The following CENPP variants were observed in gnomAD, a reference collection of about 807,000 sequenced individuals.
CENPP encodes centromere protein P.
Under a neutral mutation model 35.6 loss-of-function variants are expected in CENPP, and 24 were observed. That is an observed-to-expected ratio of 0.67 (90% CI 0.49 to 0.95). The LOEUF is 0.95. Ranked by LOEUF, CENPP falls within the 40% of genes least tolerant of loss-of-function variation. The probability of loss-of-function intolerance (pLI) is 0.00; values close to 1 mark genes in which losing one functional copy is unlikely to be tolerated. For missense variants in CENPP, 332 were observed against 345.3 expected (o/e 0.96, Z 0.31); for synonymous variants, 120 against 125.5 (o/e 0.96, Z 0.29).
chr9:92,389,705 G>A, intron 5 of CENPP: 2 of 584,028 alleles, frequency 3.4e-6, no homozygotes, highest in Non-Finnish European at 3.0e-6. Context: ...AGCCTAATAG[G>A]ATGGTTATTT....
intron 5 of CENPP, among the ~76,000 whole-genome samples, chr9:92,546,131 A>G (rs1849438155): frequency 6.6e-6 from 1 of 151,972 alleles, no homozygotes; most frequent in African/African-American, 2.4e-5. Flanking sequence ...TAGCTAATCT[A>G]GTGGGGACTT....
Position 92,348,357 on chromosome 9 carries a change from C to T in CENPP, c.467+2570C>T, listed in dbSNP as rs143939190. ...CATTTCATTTGATTCAGATTTCTAA[C>T]TGCTATGCTCCTTCTTCCTTAAGAA... On this transcript the variant is annotated intron_variant, in intron 4 of 7. Transcript: ENST00000375587. Among the ~76,000 whole-genome samples, 253 of 151,598 alleles carry T rather than the reference C, an allele frequency of 1.7e-3. 1 individual carries two copies. Among genetic ancestry groups the T allele is most frequent in the Non-Finnish European group, 2.5e-3 (169 of 67,916 alleles).
At chr9:92,603,666 T>C (rs1343814598) in intron 5 of CENPP, among the ~76,000 whole-genome samples, 3 of 152,054 alleles carry the variant, frequency 2.0e-5, no homozygotes, top group African/African-American at 7.2e-5. Flanking sequence ...TCACAAAAAG[T>C]ACCTCATCTG....
At chr9:92,416,035 A>G (rs1344426514) in intron 5 of CENPP, among the ~76,000 whole-genome samples, 1 of 127,960 alleles carries the variant, frequency 7.8e-6, no homozygotes, top group African/African-American at 2.7e-5. Context: ...TTTTATATAT[A>G]AATAAATATA....
intron 5 of CENPP, among the ~76,000 whole-genome samples, chr9:92,400,343 G>T (rs1843060578): frequency 6.6e-6 from 1 of 152,026 alleles, no homozygotes; most frequent in Non-Finnish European, 1.5e-5. Context: ...TAGAGACAGG[G>T]TTTCACCATC....
chr9:92,602,767 A>C (rs1267802180), intron 5 of CENPP, among the ~76,000 whole-genome samples: 2 of 152,162 alleles, frequency 1.3e-5, no homozygotes, highest in Non-Finnish European at 2.9e-5. Context: ...AGGCGGTGTG[A>C]ACAGGCGGCA....
chr9:92,464,046 T>A (rs977295543), intron 5 of CENPP, among the ~76,000 whole-genome samples: 3 of 152,222 alleles, frequency 2.0e-5, no homozygotes, highest in Non-Finnish European at 4.4e-5. Flanking sequence ...CTTTAACTCA[T>A]GGATACTGAA....
chr9:92,355,365 A>C (rs770696266), intron 4 of CENPP, among the ~76,000 whole-genome samples: 6 of 151,490 alleles, frequency 4.0e-5, no homozygotes, highest in Non-Finnish European at 5.9e-5. Context: ...TCCTACTTGC[A>C]TGTCTGTTTT....
chr9:92,442,398 C>CAAAAAAAAAA (rs71362387), intron 5 of CENPP, among the ~76,000 whole-genome samples: 3 of 74,466 alleles, frequency 4.0e-5, no homozygotes, highest in Admixed American at 1.6e-4. Flanking sequence ...AACTCTGTCT[C>CAAAAAAAAAA]AAAAAAAAAA....
chr9:92,430,287 C>A (rs1844072864), intron 5 of CENPP, among the ~76,000 whole-genome samples: 1 of 151,790 alleles, frequency 6.6e-6, no homozygotes, highest in African/African-American at 2.4e-5. Flanking sequence ...TGCTTAATGA[C>A]TTCTAGGAGT....
intron 5 of CENPP, among the ~76,000 whole-genome samples, chr9:92,530,764 G>A (rs1848703336): frequency 6.6e-6 from 1 of 152,050 alleles, no homozygotes; most frequent in South Asian, 2.1e-4. Flanking sequence ...AGTATATTAT[G>A]TGGTACTGAA....
chr9:92,618,065 T>C lies in CENPP; in HGVS notation c.*4916T>C. 2 of 355,596 alleles carry C rather than the reference T, an allele frequency of 5.6e-6. No individual in the cohort carries two copies. The highest frequency in any genetic ancestry group is 1.5e-4 in the East Asian group (2 of 13,404). The allele number at this position is 355,596 out of a possible 1,614,324, so 22.0% of individuals were successfully genotyped here. ...CATGATAAATCCCAGCCTTAGTTTG[T>C]CCCTAGGCCTCTAGAGCACCACAGT... On this transcript the variant is annotated 3_prime_UTR_variant, in exon 8 of 8. Transcript: ENST00000375587.
At chr9:92,431,534 G>C (rs1588125674) in intron 5 of CENPP, among the ~76,000 whole-genome samples, 1 of 152,136 alleles carries the variant, frequency 6.6e-6, no homozygotes, top group East Asian at 1.9e-4. Flanking sequence ...TTTCTCTTCT[G>C]TTGTATGCCT....
At chr9:92,580,764 C>T (rs1367373192) in intron 5 of CENPP, among the ~76,000 whole-genome samples, 4 of 152,262 alleles carry the variant, frequency 2.6e-5, no homozygotes, top group South Asian at 2.1e-4. Context: ...CTCCTGGATT[C>T]GTTAATTTTT....
chr9:92,551,964 G>A (rs900607352), intron 5 of CENPP, among the ~76,000 whole-genome samples: 12 of 105,492 alleles, frequency 1.1e-4, no homozygotes, highest in African/African-American at 5.4e-4. Context: ...ATATATATAT[G>A]TGTGATATAT....
chr9:92,550,231 A>G (rs1274676520), intron 5 of CENPP, among the ~76,000 whole-genome samples: 1 of 152,174 alleles, frequency 6.6e-6, no homozygotes, highest in Non-Finnish European at 1.5e-5. Flanking sequence ...CCCCGTCTCT[A>G]CTAAAATACA....
intron 5 of CENPP, among the ~76,000 whole-genome samples, chr9:92,450,686 G>A (rs1041673835): frequency 3.9e-5 from 6 of 152,074 alleles, no homozygotes; most frequent in Admixed American, 1.3e-4. Flanking sequence ...CTTCCACAAT[G>A]GTTGAACTAG....
intron 5 of CENPP, among the ~76,000 whole-genome samples, chr9:92,453,669 T>G (rs948184857): frequency 6.6e-6 from 1 of 152,118 alleles, no homozygotes; most frequent in African/African-American, 2.4e-5. Context: ...ACTGTCAACA[T>G]TAGACAGATC....
At chr9:92,487,365 G>A (rs1017191805) in intron 5 of CENPP, among the ~76,000 whole-genome samples, 3 of 152,078 alleles carry the variant, frequency 2.0e-5, no homozygotes, top group Admixed American at 6.5e-5. Flanking sequence ...GTTTACCAAG[G>A]ACTCAGAAAA....
Sources: allele counts gnomAD v4.1 joint callset (sites outside exome capture counted in the v4.1 genomes callset), GRCh38; gene constraint gnomAD v4.1.1; transcripts MANE v1.5; gene names NCBI Gene and HGNC (gene_info 2026-07-23, HGNC 2026-07-21).